SEMA3E: variants seen among roughly 807,000 people sequenced by gnomAD.
SEMA3E encodes the protein semaphorin-3E.
A neutral mutation model predicts 93.6 loss-of-function variants in SEMA3E; 49 were observed. The ratio of observed to expected loss-of-function variants is 0.52; its 90% CI spans 0.42 to 0.66. The LOEUF (loss-of-function observed/expected upper bound fraction) is 0.66, where lower values mean the gene tolerates loss of function less well. Among genes scored for constraint, SEMA3E ranks in the 30% least tolerant of loss-of-function variants. The pLI is 0.00. For synonymous variants in SEMA3E, 363 were observed against 330.7 expected (o/e 1.10, Z -1.06); for missense variants, 906 against 964.8 (o/e 0.94, Z 0.81).
intron 1 of SEMA3E, among the ~76,000 whole-genome samples, chr7:83,530,643 GAGGCGGGTGGATCCCCTGAGGTC>G (rs1791270588): frequency 1.3e-5 from 2 of 152,156 alleles, no homozygotes; most frequent in African/African-American, 4.8e-5. Context: ...TTGGGAGGCT[GAGGCGGGTGGATCCCCTGAGGTC>G]AGGAGTTCGA....
intron 1 of SEMA3E, among the ~76,000 whole-genome samples, chr7:83,606,817 A>AT (rs1436659942): frequency 6.6e-6 from 1 of 152,150 alleles, no homozygotes; most frequent in Non-Finnish European, 1.5e-5. Flanking sequence ...TTTTTAACTA[A>AT]TGTATGTATT....
chr7:83,444,637 C>G (rs781378999), intron 4 of SEMA3E, among the ~76,000 whole-genome samples: 2 of 150,266 alleles, frequency 1.3e-5, no homozygotes, highest in Non-Finnish European at 3.0e-5. Context: ...CTGCAATCAT[C>G]AACATTTAAA....
At chr7:83,447,950 C>T (rs1247731406) in intron 4 of SEMA3E, among the ~76,000 whole-genome samples, 1 of 152,038 alleles carries the variant, frequency 6.6e-6, no homozygotes, top group African/African-American at 2.4e-5. Context: ...CTTTCTCTGT[C>T]CAGCTGTTTA....
At chr7:83,630,528 G>A (rs1793765694) in intron 1 of SEMA3E, among the ~76,000 whole-genome samples, 1 of 152,158 alleles carries the variant, frequency 6.6e-6, no homozygotes, top group African/African-American at 2.4e-5. Flanking sequence ...ATTCATTTAT[G>A]TAGATTTATG....
chr7:83,507,831 G>C (rs959322584), intron 1 of SEMA3E, among the ~76,000 whole-genome samples: 3 of 151,870 alleles, frequency 2.0e-5, no homozygotes, highest in Admixed American at 2.0e-4. Flanking sequence ...TGCACCTGTG[G>C]TCCTGGCTAC....
intron 1 of SEMA3E, among the ~76,000 whole-genome samples, chr7:83,515,439 G>T (rs1423827715): frequency 6.6e-6 from 1 of 152,086 alleles, no homozygotes; most frequent in Admixed American, 6.6e-5. Flanking sequence ...AAATGATACT[G>T]ATTTTCTTAA....
intron 16 of SEMA3E, among the ~76,000 whole-genome samples, chr7:83,372,481 T>G (rs1042712531): frequency 6.6e-5 from 10 of 152,158 alleles, no homozygotes; most frequent in Admixed American, 3.3e-4. Context: ...ATACAAATTC[T>G]TGACCACTAG....
intron 1 of SEMA3E, among the ~76,000 whole-genome samples, chr7:83,620,965 A>G (rs1204245676): frequency 6.6e-6 from 1 of 152,158 alleles, no homozygotes; most frequent in Middle Eastern, 3.2e-3. Flanking sequence ...CACCACTCTT[A>G]GTCAACATAG....
intron 1 of SEMA3E, among the ~76,000 whole-genome samples, chr7:83,509,350 T>C (rs1390106250): frequency 6.6e-6 from 1 of 152,130 alleles, no homozygotes; most frequent in East Asian, 1.9e-4. Flanking sequence ...AGTGTTGCCC[T>C]GAAGGGCCCT....
chr7:83,566,198 G>T (rs1413553040), intron 1 of SEMA3E, among the ~76,000 whole-genome samples: 1 of 150,792 alleles, frequency 6.6e-6, no homozygotes, highest in Non-Finnish European at 1.5e-5. Context: ...AGTAGAGACG[G>T]GGTTTTACCG....
intron 7 of SEMA3E, among the ~76,000 whole-genome samples, chr7:83,406,304 G>GATAT (rs1397900431): frequency 6.6e-6 from 1 of 151,774 alleles, no homozygotes; most frequent in East Asian, 1.9e-4. Context: ...ATATTTTGCA[G>GATAT]ATATTAAACA....
chr7:83,579,158 ATTAT>A (rs1029965033), intron 1 of SEMA3E, among the ~76,000 whole-genome samples: 4 of 152,140 alleles, frequency 2.6e-5, no homozygotes, highest in African/African-American at 9.7e-5. Context: ...AAAATGACAC[ATTAT>A]TTAATTAATT....
intron 4 of SEMA3E, among the ~76,000 whole-genome samples, chr7:83,421,194 A>G (rs1788663950): frequency 7.0e-6 from 1 of 142,648 alleles, no homozygotes; most frequent in African/African-American, 2.5e-5. Flanking sequence ...TTTCAATTTT[A>G]TTCTTCATCA....
intron 2 of SEMA3E, among the ~76,000 whole-genome samples, chr7:83,485,502 G>A (rs1790233267): frequency 6.6e-6 from 1 of 151,902 alleles, no homozygotes; most frequent in Non-Finnish European, 1.5e-5. Context: ...TAAGGCATGG[G>A]TACAGGTACA....
intron 1 of SEMA3E, among the ~76,000 whole-genome samples, chr7:83,647,403 A>G (rs1056827686): frequency 1.3e-5 from 2 of 152,152 alleles, no homozygotes; most frequent in South Asian, 4.1e-4. Context: ...AAAAGCTTAC[A>G]CAATTGAAAA....
chr7:83,443,019 C>G (rs1377477283), intron 4 of SEMA3E, among the ~76,000 whole-genome samples: 2 of 152,050 alleles, frequency 1.3e-5, no homozygotes, highest in Admixed American at 6.6e-5. Context: ...AAGGGGAATA[C>G]AGAGAGAAGA....
chr7:83,529,655 G>GA (rs1791243364), intron 1 of SEMA3E, among the ~76,000 whole-genome samples: 1 of 152,110 alleles, frequency 6.6e-6, no homozygotes, highest in Admixed American at 6.5e-5. Flanking sequence ...AAAGATGTCA[G>GA]AAAAAAGCTG....
chr7:83,373,393 T>C (rs1316992713), intron 16 of SEMA3E, among the ~76,000 whole-genome samples: 2 of 152,134 alleles, frequency 1.3e-5, no homozygotes, highest in African/African-American at 4.8e-5. Flanking sequence ...ATTTTATACA[T>C]ATACACACAT....
At chr7:83,368,520 C>G (rs2116893343) in intron 16 of SEMA3E, among the ~76,000 whole-genome samples, 1 of 152,262 alleles carries the variant, frequency 6.6e-6, no homozygotes. Flanking sequence ...ACAAGGACCT[C>G]TCTTTGGAGA....
Sources: gnomAD v4.1 joint callset for allele counts (sites outside exome capture counted in the v4.1 genomes callset) on GRCh38, gnomAD v4.1.1 for gene constraint, MANE v1.5 for transcripts, NCBI Gene and HGNC (gene_info 2026-07-23, HGNC 2026-07-21) for gene names.